TBL1Y: variants seen among roughly 807,000 people sequenced by gnomAD.
TBL1Y encodes the protein transducin beta like 1 Y-linked, also known as F-box-like/WD repeat-containing protein TBL1Y.
In TBL1Y, 15 loss-of-function variants were observed where a neutral mutation model predicts 12.0. That is an observed-to-expected ratio of 1.25 (90% confidence interval 0.83 to 1.92). TBL1Y has a LOEUF of 1.92. Among genes scored for constraint, TBL1Y ranks in the 40% most tolerant of loss-of-function variants. TBL1Y has a pLI of 0.00. For missense variants in TBL1Y, 148 were observed against 116.7 expected (o/e 1.27, Z -1.24); for synonymous variants, 53 against 42.6 (o/e 1.24, Z -0.95).
chrY:7,080,047 G>GTTT (rs1426265629), intron 13 of TBL1Y, among the ~76,000 whole-genome samples: 7 of 8,410 alleles, frequency 8.3e-4, no homozygotes, highest in African/African-American at 2.5e-3. Flanking sequence ...ACACGGGACT[G>GTTT]TTTGTTTTTT....
At chrY:7,090,829 A>G (rs2013171595) in intron 18 of TBL1Y, among the ~76,000 whole-genome samples, 1 of 33,900 alleles carries the variant, frequency 2.9e-5, no homozygotes, top group Non-Finnish European at 7.3e-5. Context: ...TGTTGATGGA[A>G]TGGTCATTAT....
chrY:7,065,453 G>A, intron 8 of TBL1Y, among the ~76,000 whole-genome samples: 1 of 33,483 alleles, frequency 3.0e-5, no homozygotes, highest in Non-Finnish European at 7.3e-5. Flanking sequence ...TCTTGGCTAT[G>A]TCTCTATTAG....
At chrY:7,063,088 C>A in intron 7 of TBL1Y, among the ~76,000 whole-genome samples, 1 of 33,007 alleles carries the variant, frequency 3.0e-5, no homozygotes, top group Admixed American at 2.7e-4. Context: ...TGATTTTTCA[C>A]CCCTGAGACC....
In TBL1Y at chrY:7,090,175, C is replaced by T. The variant is rs749192067; in HGVS notation, c.1533C>T (p.Ser511=). The change falls in exon 18 of 19, where the codon AGC becomes AGT. Residue 511 remains serine, a synonymous_variant. Coordinates refer to ENST00000383032, the MANE Select transcript of TBL1Y (RefSeq NM_033284.2). ...CCCGAGGAGATAAAGTGGGCGCCAGCGCGTCTGATGGCTCTGTAAGCAACA... is the reference window on the plus strand; with the variant it reads ...CCCGAGGAGATAAAGTGGGCGCCAGTGCGTCTGATGGCTCTGTAAGCAACA... ...WNARGDKVGA[S]ASDGSVCVLD... 6 of 396,800 alleles carry T rather than the reference C, an allele frequency of 1.5e-5. No homozygotes were observed. The highest frequency in any genetic ancestry group is 1.5e-4 in the Admixed American group (2 of 13,533).
intron 7 of TBL1Y, among the ~76,000 whole-genome samples, chrY:7,063,073 G>C (rs1033189339): frequency 5.8e-4 from 19 of 32,597 alleles, no homozygotes; most frequent in African/African-American, 7.2e-4. Flanking sequence ...GCACAGGGTG[G>C]GTTCTGATTT....
At chrY:6,965,019 A>ACTGAACCT (rs2012159136) in intron 2 of TBL1Y, among the ~76,000 whole-genome samples, 1 of 32,232 alleles carries the variant, frequency 3.1e-5, no homozygotes, top group Non-Finnish European at 7.6e-5. Context: ...TGAGTTCTAT[A>ACTGAACCT]CTGAACCTCT....
At chrY:7,041,373 T>G in intron 6 of TBL1Y, among the ~76,000 whole-genome samples, 1 of 32,874 alleles carries the variant, frequency 3.0e-5, no homozygotes, top group African/African-American at 1.2e-4. Context: ...TGCAATGGAG[T>G]CTTGAGCCAA....
chrY:7,040,757 G>A, intron 6 of TBL1Y, among the ~76,000 whole-genome samples: 1 of 34,391 alleles, frequency 2.9e-5, no homozygotes, highest in African/African-American at 1.1e-4. Context: ...TTGACCTGAT[G>A]TTTCCAGTGT....
At chrY:7,087,798 A>G (rs539987788) in intron 17 of TBL1Y, among the ~76,000 whole-genome samples, 872 of 32,937 alleles carry the variant, frequency 0.026, no homozygotes, top group Middle Eastern at 0.21. Flanking sequence ...CTTAGCACTT[A>G]TCACCAAAAT....
chrY:7,061,146 T>C (rs2012863368), intron 7 of TBL1Y, among the ~76,000 whole-genome samples: 1 of 21,261 alleles, frequency 4.7e-5, no homozygotes, highest in East Asian at 1.2e-3. Flanking sequence ...ACTGGTGAGG[T>C]GTACTTACAA....
intron 2 of TBL1Y, among the ~76,000 whole-genome samples, chrY:6,951,079 T>C (rs1316146089): frequency 4.5e-4 from 15 of 33,554 alleles, no homozygotes; most frequent in Non-Finnish European, 1.1e-3. Flanking sequence ...TGGATTTGGT[T>C]TCCCAGTATT....
chrY:6,938,139 T>C (rs2011917380), intron 2 of TBL1Y, among the ~76,000 whole-genome samples: 1 of 33,923 alleles, frequency 2.9e-5, no homozygotes, highest in Non-Finnish European at 7.3e-5. Context: ...CCAGGTTGGA[T>C]TGGAGAAGCC....
chrY:7,038,300 C>T (rs756249037), intron 6 of TBL1Y, among the ~76,000 whole-genome samples: 1 of 32,674 alleles, frequency 3.1e-5, no homozygotes, highest in East Asian at 8.1e-4. Flanking sequence ...TGATTATACT[C>T]TTCTTTTCTC....
At position 7,064,011 on chromosome Y, in the gene TBL1Y, C is replaced by T. The variant is rs1368744838; in HGVS notation, c.319C>T (p.Gln107Ter). ...ATTTGGAGAGAAGCTCACTCAGCAG[C>T]AAGCCAGTGCAGCAGCCACAGAGGC... Reference protein sequence around the residue: ...QAFGEKLTQQQASAAATEASA... With the variant: ...QAFGEKLTQQ The change falls in exon 8 of 19, where the codon CAA (glutamine) becomes TAA (stop). Residue 107 changes from glutamine (Q) to a stop codon, truncating the protein, a stop_gained. Coordinates refer to ENST00000383032, the MANE Select transcript of TBL1Y (RefSeq NM_033284.2). LOFTEE classifies it high-confidence loss of function. 5 of 396,359 alleles carry T rather than the reference C, an allele frequency of 1.3e-5. No individual in the cohort carries two copies.
intron 4 of TBL1Y, among the ~76,000 whole-genome samples, chrY:7,016,397 G>A (rs2012550635): frequency 3.1e-5 from 1 of 32,334 alleles, no homozygotes; most frequent in African/African-American, 1.2e-4. Context: ...TCCTGTTCCA[G>A]AACACTGTAG....
chrY:7,003,730 C>T, intron 4 of TBL1Y, among the ~76,000 whole-genome samples: 3 of 33,475 alleles, frequency 9.0e-5, no homozygotes, highest in African/African-American at 2.3e-4. Flanking sequence ...ATATAGGGAA[C>T]TTGCCATCCA....
At chrY:6,932,132 G>C (rs774083897) in intron 2 of TBL1Y, among the ~76,000 whole-genome samples, 12 of 33,994 alleles carry the variant, frequency 3.5e-4, no homozygotes, top group Non-Finnish European at 6.6e-4. Context: ...CCACTGGGTT[G>C]GGAAGTGTTT....
intron 7 of TBL1Y, among the ~76,000 whole-genome samples, chrY:7,053,684 A>T: frequency 9.0e-5 from 3 of 33,425 alleles, no homozygotes; most frequent in Non-Finnish European, 2.2e-4. Context: ...TCAGGACCAC[A>T]TCCAGAAAAT....
At chrY:6,915,221 G>A in intron 2 of TBL1Y, among the ~76,000 whole-genome samples, 2 of 33,557 alleles carry the variant, frequency 6.0e-5, no homozygotes, top group South Asian at 1.4e-3. Context: ...GATACCTTGG[G>A]CTTTCCCTTC....
Sources: gnomAD v4.1 joint callset for allele counts (sites outside exome capture counted in the v4.1 genomes callset) on GRCh38, gnomAD v4.1.1 for gene constraint, MANE v1.5 for transcripts, NCBI Gene and HGNC (gene_info 2026-07-23, HGNC 2026-07-21) for gene names.